The following JAKMIP3 variants were observed in gnomAD, a reference collection of about 807,000 sequenced individuals.
JAKMIP3 encodes janus kinase and microtubule-interacting protein 3.
A neutral mutation model predicts 118.5 loss-of-function variants in JAKMIP3; 58 were observed. That is an observed-to-expected ratio of 0.49 (90% CI 0.40 to 0.61). The LOEUF (loss-of-function observed/expected upper bound fraction) is 0.61. JAKMIP3 is among the 20% of genes least tolerant of loss of function. The probability of loss-of-function intolerance (pLI) is 0.00; values close to 1 mark genes in which losing one functional copy is unlikely to be tolerated. For missense variants in JAKMIP3, 950 were observed against 1,109.0 expected (o/e 0.86, Z 2.04); for synonymous variants, 486 against 451.2 (o/e 1.08, Z -0.98).
chr10:132,180,666 CGT>C (rs1239491062), intron 23 of JAKMIP3, among the ~76,000 whole-genome samples: 216 of 14,368 alleles, frequency 0.015, 60 homozygotes, highest in African/African-American at 0.029. Flanking sequence ...TGCGTGTGTG[CGT>C]GTGTGTGCGC....
At chr10:132,146,422 CTG>C (rs1564960321) in intron 13 of JAKMIP3, among the ~76,000 whole-genome samples, 1 of 152,144 alleles carries the variant, frequency 6.6e-6, no homozygotes. Flanking sequence ...CACCTCACAA[CTG>C]TGGGAGCAGG....
chr10:132,101,375 C>A (rs2379225), intron 1 of JAKMIP3, among the ~76,000 whole-genome samples: 1 of 151,892 alleles, frequency 6.6e-6, no homozygotes, highest in Non-Finnish European at 1.5e-5. Flanking sequence ...GAAGTCTCCC[C>A]GAAACAAAAT....
chr10:132,037,726 C>T (rs1212389253), intron 1 of JAKMIP3, among the ~76,000 whole-genome samples: 1 of 152,212 alleles, frequency 6.6e-6, no homozygotes, highest in African/African-American at 2.4e-5. Flanking sequence ...GGAGTGTCTC[C>T]AGGAGGCTCA....
In JAKMIP3 at chr10:132,159,145, T is replaced by C. The variant is rs140554388; in HGVS notation, c.2221-4064T>C. ...GTGTGATTCTGGGGGCGTCTCTCCTTGTGTGATGTTGTGGGGGTATCTCTT... is the reference window on the plus strand; with the variant it reads ...GTGTGATTCTGGGGGCGTCTCTCCTCGTGTGATGTTGTGGGGGTATCTCTT... On this transcript the variant is annotated intron_variant, in intron 19 of 23. Transcript: ENST00000684848. Among the ~76,000 whole-genome samples, 536 of 97,348 alleles carry C rather than the reference T, an allele frequency of 5.5e-3. 10 individuals are homozygous for C. The highest frequency in any genetic ancestry group is 0.017 in the African/African-American group (487 of 27,940). The allele number at this position is 97,348 out of a possible 152,430, so 63.9% of individuals were successfully genotyped here.
intron 1 of JAKMIP3, among the ~76,000 whole-genome samples, chr10:132,037,604 T>C (rs1158988685): frequency 2.6e-5 from 4 of 152,104 alleles, no homozygotes; most frequent in Non-Finnish European, 4.4e-5. Flanking sequence ...CCCTGCTGGA[T>C]TTGGTGGTGA....
At chr10:132,155,179 GATGATGGTGATC>G (rs2056939249) in intron 19 of JAKMIP3, among the ~76,000 whole-genome samples, 2 of 149,364 alleles carry the variant, frequency 1.3e-5, no homozygotes, top group African/African-American at 5.0e-5. Flanking sequence ...TAGTGGTGGT[GATGATGGTGATC>G]ATGATGGTGA....
Position 132,049,610 on chromosome 10 carries a change from C to T in JAKMIP3, c.-138+12872C>T, listed in dbSNP as rs1227605009. Among the ~76,000 whole-genome samples, 1 of 151,728 alleles carries T rather than the reference C, an allele frequency of 6.6e-6. No individual in the cohort carries two copies. Among genetic ancestry groups the T allele is most frequent in the Non-Finnish European group, 1.5e-5 (1 of 67,990 alleles). On this transcript the variant is annotated intron_variant, in intron 1 of 23. Coordinates refer to the JAKMIP3 transcript ENST00000657785. The surrounding 1 kb of genome is among the most constrained non-coding windows in gnomAD (Gnocchi z 4.3). ...TATCCTTGAATGCTGTTTGCGTGTGCCCGGTTCTGTTTGGATGTACAGGTT... is the reference window on the plus strand; with the variant it reads ...TATCCTTGAATGCTGTTTGCGTGTGTCCGGTTCTGTTTGGATGTACAGGTT...
intron 1 of JAKMIP3, among the ~76,000 whole-genome samples, chr10:132,098,398 C>T (rs1238012152): frequency 2.6e-5 from 4 of 152,292 alleles, no homozygotes; most frequent in East Asian, 3.9e-4. Context: ...TCACTGTCAC[C>T]GTCTTAACAT....
chr10:132,110,078 C>T (rs564295612), intron 2 of JAKMIP3, among the ~76,000 whole-genome samples: 75 of 152,330 alleles, frequency 4.9e-4, no homozygotes, highest in African/African-American at 1.7e-3. Flanking sequence ...CAGAAGCACC[C>T]GTGGGGGAGA....
At chr10:132,101,250 C>G (rs552470025) in intron 1 of JAKMIP3, among the ~76,000 whole-genome samples, 2 of 152,272 alleles carry the variant, frequency 1.3e-5, no homozygotes, top group East Asian at 3.9e-4. Context: ...ACATGGGAGG[C>G]TGAGGTGGGA....
intron 17 of JAKMIP3, 111 bp downstream of exon 17, chr10:132,153,134 G>C: frequency 1.2e-6 from 1 of 834,810 alleles, no homozygotes; most frequent in Non-Finnish European, 2.0e-6. Context: ...GCCGGGTTTG[G>C]GGGGTCCACT....
At chr10:132,138,029 C>A in intron 8 of JAKMIP3, 90 bp from the exon 9 acceptor site, 1 of 1,247,380 alleles carries the variant, frequency 8.0e-7, no homozygotes, top group Non-Finnish European at 1.1e-6. Context: ...TCCCTGTCAT[C>A]CAAATGATGG....
In JAKMIP3 at chr10:132,044,790, C is replaced by T. The variant is rs540675157; in HGVS notation, c.-138+8052C>T. On this transcript the variant is annotated intron_variant, in intron 1 of 23. Coordinates refer to the JAKMIP3 transcript ENST00000657785. This position sits in a 1 kb window ranked among gnomAD's most constrained non-coding sequence, Gnocchi z 5.3. ...TCCAGAACGATTTCATCTTCCCAAA[C>T]GGAAACTGTACCCCCCACCCAGCCC... Among the ~76,000 whole-genome samples the T allele has an allele frequency of 2.1e-4, 32 of 152,096 alleles. No individual in the cohort carries two copies. The highest frequency in any genetic ancestry group is 3.8e-4 in the Non-Finnish European group (26 of 68,018).
intron 21 of JAKMIP3, among the ~76,000 whole-genome samples, chr10:132,166,019 A>G (rs1191970904): frequency 6.6e-6 from 1 of 152,202 alleles, no homozygotes; most frequent in African/African-American, 2.4e-5. Flanking sequence ...ATTTGTTTGT[A>G]TTAAATACTA....
At position 132,106,193 on chromosome 10, in the gene JAKMIP3, G is replaced by C. The variant is rs1446171570; in HGVS notation, c.135+1250G>C. Among the ~76,000 whole-genome samples the C allele has an allele frequency of 2.0e-5, 3 of 151,930 alleles. No individual in the cohort carries two copies. In the South Asian group the frequency reaches 6.2e-4, roughly 32 times the overall value. On this transcript the variant is annotated intron_variant, in intron 2 of 23. Transcript: ENST00000684848. The stretch of plus-strand genomic sequence containing the variant: ...CTACAAAAAAAAATGGACACATTAC[G>C]CAGGTGCGGTGGTATGCTCCTGTGG...
chr10:132,076,756 A>C (rs1189450852), intron 1 of JAKMIP3, among the ~76,000 whole-genome samples: 3 of 126,190 alleles, frequency 2.4e-5, no homozygotes, highest in African/African-American at 9.5e-5. Context: ...CTGACTGAAG[A>C]CTGGCCTGAG....
intron 23 of JAKMIP3, among the ~76,000 whole-genome samples, chr10:132,180,784 C>CGTGTGTGTGT (rs747427248): frequency 5.5e-5 from 3 of 54,826 alleles, no homozygotes; most frequent in South Asian, 1.1e-3. Flanking sequence ...TGTGTGTGTG[C>CGTGTGTGTGT]GCGTATGCAT....
Position 132,117,788 on chromosome 10 carries a change from C to T in JAKMIP3, c.633+214C>T, listed in dbSNP as rs931664183. 2.6e-5 allele frequency among the ~76,000 whole-genome samples: 4 copies of T among 152,178 alleles called. No homozygotes were observed. The highest frequency in any genetic ancestry group is 9.7e-5 in the African/African-American group (4 of 41,436). On this transcript the variant is annotated intron_variant, in intron 3 of 23. Coordinates refer to ENST00000684848, the MANE Select transcript of JAKMIP3 (RefSeq NM_001323087.2). This position sits in a 1 kb window ranked among gnomAD's most constrained non-coding sequence, Gnocchi z 8.6. The stretch of plus-strand genomic sequence containing the variant: ...AGTCACGAGACCACTAGAAAAGGTT[C>T]AGACCCACAGTCAGGCCCGCACGGG...
chr10:132,063,121 C>T (rs1234474052), upstream of JAKMIP3, among the ~76,000 whole-genome samples: 1 of 152,104 alleles, frequency 6.6e-6, no homozygotes, highest in African/African-American at 2.4e-5. Flanking sequence ...TGGGAGTGGC[C>T]AAGCTCCCCC....
Sources: allele counts gnomAD v4.1 joint callset (sites outside exome capture counted in the v4.1 genomes callset), GRCh38; gene constraint gnomAD v4.1.1; non-coding constraint Gnocchi (gnomAD v3.1); transcripts MANE v1.5; gene names NCBI Gene and HGNC (gene_info 2026-07-23, HGNC 2026-07-21).